KIAA1958: variants seen among roughly 807,000 people sequenced by gnomAD.
The protein encoded by KIAA1958 is uncharacterized protein KIAA1958.
Under a neutral mutation model 47.2 loss-of-function variants are expected in KIAA1958, and 14 were observed. That is an observed-to-expected ratio of 0.30 (90% CI 0.20 to 0.46). The LOEUF (loss-of-function observed/expected upper bound fraction) is 0.46. KIAA1958 is among the 20% of genes least tolerant of loss of function. The pLI is 1.00. For synonymous variants in KIAA1958, 354 were observed against 353.3 expected, an observed-to-expected ratio of 1.00 and a Z score of -0.02; for missense variants, 803 against 909.2, an observed-to-expected ratio of 0.88 and a Z score of 1.50.
intron 1 of KIAA1958, among the ~76,000 whole-genome samples, chr9:112,540,584 T>A (rs1224224342): frequency 6.6e-6 from 1 of 152,206 alleles, no homozygotes. Flanking sequence ...ATTTACATAT[T>A]TAAAAATTTT....
chr9:112,583,698 ATATT>A (rs1835773054), intron 2 of KIAA1958, among the ~76,000 whole-genome samples: 1 of 152,192 alleles, frequency 6.6e-6, no homozygotes, highest in South Asian at 2.1e-4. Context: ...ATATTATTAT[ATATT>A]AGAGTAATAC....
intron 1 of KIAA1958, among the ~76,000 whole-genome samples, chr9:112,490,992 C>T (rs1833959032): frequency 6.6e-6 from 1 of 152,158 alleles, no homozygotes; most frequent in Non-Finnish European, 1.5e-5. Context: ...TTTAGAGACA[C>T]AGTCGCACTC....
chr9:112,614,692 T>G (rs546521771), intron 2 of KIAA1958, among the ~76,000 whole-genome samples: 1 of 152,314 alleles, frequency 6.6e-6, no homozygotes, highest in East Asian at 1.9e-4. Context: ...ACATTTGTCT[T>G]TAGTTTTATT....
chr9:112,520,128 G>T (rs941756688), intron 1 of KIAA1958, among the ~76,000 whole-genome samples: 1 of 152,186 alleles, frequency 6.6e-6, no homozygotes, highest in Non-Finnish European at 1.5e-5. Context: ...TTAGTAGTAA[G>T]GAGATGGCAA....
At chr9:112,501,926 AAAT>A (rs1241613312) in intron 1 of KIAA1958, among the ~76,000 whole-genome samples, 2 of 152,272 alleles carry the variant, frequency 1.3e-5, no homozygotes, top group East Asian at 3.8e-4. Flanking sequence ...ATTTACAAAA[AAAT>A]AATAAAACCC....
At chr9:112,575,349 C>G in intron 2 of KIAA1958, 98 bp downstream of exon 2, 2 of 781,970 alleles carry the variant, frequency 2.6e-6, no homozygotes, top group Non-Finnish European at 3.9e-6. Flanking sequence ...TGCTAGAATT[C>G]AGTCCTTTGT....
At chr9:112,500,093 A>G (rs1379025030) in intron 1 of KIAA1958, among the ~76,000 whole-genome samples, 2 of 151,982 alleles carry the variant, frequency 1.3e-5, no homozygotes, top group African/African-American at 2.4e-5. Flanking sequence ...GGGTTTTCCT[A>G]TTAAAATTAT....
At chr9:112,559,072 ATAG>A (rs762296518) in intron 1 of KIAA1958, among the ~76,000 whole-genome samples, 22 of 152,336 alleles carry the variant, frequency 1.4e-4, no homozygotes, top group Non-Finnish European at 2.8e-4. Flanking sequence ...TTTGTAAAAC[ATAG>A]TAGTTTTGAA....
intron 2 of KIAA1958, among the ~76,000 whole-genome samples, chr9:112,609,959 G>T (rs770833176): frequency 1.3e-5 from 2 of 152,182 alleles, no homozygotes; most frequent in East Asian, 3.8e-4. Context: ...ACCTTCTGCT[G>T]TGTTGGAACA....
chr9:112,528,740 G>C (rs1478828224), intron 1 of KIAA1958, among the ~76,000 whole-genome samples: 2 of 17,810 alleles, frequency 1.1e-4, no homozygotes, highest in African/African-American at 1.0e-3. Context: ...GGCTGGTCTC[G>C]AAGTCCTGAC....
At chr9:112,595,932 T>C (rs1028352279) in intron 2 of KIAA1958, among the ~76,000 whole-genome samples, 1 of 151,904 alleles carries the variant, frequency 6.6e-6, no homozygotes, top group African/African-American at 2.4e-5. Context: ...ATTACAGGCA[T>C]GTGTCACCAT....
At chr9:112,535,306 T>C (rs1389492588) in intron 1 of KIAA1958, among the ~76,000 whole-genome samples, 1 of 152,218 alleles carries the variant, frequency 6.6e-6, no homozygotes, top group Admixed American at 6.5e-5. Context: ...TCAACTTTTT[T>C]AGATTCCACA....
chr9:112,548,285 G>A (rs1835078222), intron 1 of KIAA1958, among the ~76,000 whole-genome samples: 4 of 152,080 alleles, frequency 2.6e-5, no homozygotes, highest in African/African-American at 7.2e-5. Context: ...CACTGCGCCC[G>A]GCCATTCAGA....
At position 112,665,967 on chromosome 9, in the gene KIAA1958, G is replaced by A. The variant is rs1338851514; in HGVS notation, c.*5898G>A. 1 of 151,798 alleles carries A rather than the reference G, an allele frequency of 6.6e-6. No homozygotes were observed. Among genetic ancestry groups the A allele is most frequent in the Non-Finnish European group, 1.5e-5 (1 of 68,008 alleles). The allele number at this position is 151,798 out of a possible 1,614,324, so 9.4% of individuals were successfully genotyped here. ...GGATTTTTATAATCTGTAGGCTATA[G>A]CACTGTCATAGAAAAATATACCTTT... On this transcript the variant is annotated 3_prime_UTR_variant, in exon 4 of 4. Coordinates refer to ENST00000337530, the MANE Select transcript of KIAA1958 (RefSeq NM_133465.4).
At chr9:112,534,926 G>C (rs1834825600) in intron 1 of KIAA1958, among the ~76,000 whole-genome samples, 1 of 151,728 alleles carries the variant, frequency 6.6e-6, no homozygotes, top group East Asian at 1.9e-4. Context: ...ATTTTCCCAG[G>C]GTTCTTTTAT....
chr9:112,489,451 C>A (rs1445035617), intron 1 of KIAA1958, among the ~76,000 whole-genome samples: 1 of 147,342 alleles, frequency 6.8e-6, no homozygotes, highest in Non-Finnish European at 1.5e-5. Context: ...AAAGATAACA[C>A]CTAGTTTTGT....
intron 1 of KIAA1958, among the ~76,000 whole-genome samples, chr9:112,488,909 A>G (rs1200503684): frequency 6.6e-6 from 1 of 152,232 alleles, no homozygotes; most frequent in African/African-American, 2.4e-5. Flanking sequence ...CTAATTTTGT[A>G]AATGCCTGGA....
intron 1 of KIAA1958, among the ~76,000 whole-genome samples, chr9:112,566,360 A>G (rs1588020602): frequency 6.6e-6 from 1 of 152,180 alleles, no homozygotes; most frequent in African/African-American, 2.4e-5. Context: ...TTACTATTGT[A>G]TAGTAGCTTC....
intron 2 of KIAA1958, among the ~76,000 whole-genome samples, chr9:112,576,968 A>C (rs1304189257): frequency 2.0e-5 from 3 of 152,180 alleles, no homozygotes; most frequent in African/African-American, 7.2e-5. Flanking sequence ...CTAGTAATCT[A>C]TAAAGGTTCT....
Sources: gnomAD v4.1 joint callset for allele counts (sites outside exome capture counted in the v4.1 genomes callset) on GRCh38, gnomAD v4.1.1 for gene constraint, MANE v1.5 for transcripts, NCBI Gene and HGNC (gene_info 2026-07-23, HGNC 2026-07-21) for gene names.